Variants in NCAN observed in about 807,000 individuals in gnomAD.
NCAN encodes the protein neurocan core protein.
NCAN carries 47 observed loss-of-function variants against 121.8 expected under a neutral mutation model. The ratio of observed to expected loss-of-function variants is 0.39; its 90% CI spans 0.31 to 0.49. The LOEUF (loss-of-function observed/expected upper bound fraction) is 0.49, where lower values mean the gene tolerates loss of function less well. Ranked by LOEUF, NCAN falls within the 20% of genes least tolerant of loss-of-function variation. The pLI is 0.92. For missense variants in NCAN, 1,517 were observed against 1,773.4 expected (o/e 0.86, Z 2.60); for synonymous variants, 633 against 702.0 (o/e 0.90, Z 1.55).
In NCAN at chr19:19,228,116, A is replaced by G. The variant is rs2060844796; in HGVS notation, c.2496A>G (p.Thr832=). ...EGPTVNPMDS[T]VTPAPSDASG... is the part of the protein sequence containing the mutation. ...CCACTGTGAATCCCATGGATTCCAC[A>G]GTCACGCCGGCCCCCAGTGATGCTA... Residue 832 remains threonine, a synonymous_variant, in exon 8 of 15, where the codon ACA becomes ACG. Transcript: ENST00000252575. The G allele has an allele frequency of 6.2e-7, 1 of 1,613,668 alleles. No individual in the cohort carries two copies. Among genetic ancestry groups the G allele is most frequent in the African/African-American group, 1.3e-5 (1 of 75,046 alleles).
chr19:19,230,883 C>CTGTGTGTGTGTGTGTGTGTGTG (rs367759381), intron 8 of NCAN, among the ~76,000 whole-genome samples: 27 of 121,838 alleles, frequency 2.2e-4, no homozygotes, highest in African/African-American at 5.4e-4. Context: ...CCACACCCGG[C>CTGTGTGTGTGTGTGTGTGTGTG]TGTGTGTGTG....
intron 8 of NCAN, among the ~76,000 whole-genome samples, chr19:19,233,225 C>A (rs1475368940): frequency 6.6e-6 from 1 of 152,114 alleles, no homozygotes; most frequent in Non-Finnish European, 1.5e-5. Flanking sequence ...TGAGCCATGG[C>A]ACCTGGCCTC....
intron 9 of NCAN, 99 bp downstream of exon 9, chr19:19,234,004 A>T: frequency 1.3e-6 from 1 of 767,810 alleles, no homozygotes; most frequent in African/African-American, 1.7e-5. Flanking sequence ...AGAGATCACA[A>T]AAAGCTGGTT....
rs771653162 is a variant in NCAN, at chr19:19,227,703, C to T, written c.2083C>T (p.Pro695Ser). Reference protein sequence around the residue: ...TPTGQGGEAMPTTPESPRADF... With the variant: ...TPTGQGGEAMSTTPESPRADF... Reference sequence around the variant, plus strand: ...AACAGGACAGGGTGGAGAGGCCATGCCCACAACACCTGAGTCCCCCAGGGC... The same window carrying T: ...AACAGGACAGGGTGGAGAGGCCATGTCCACAACACCTGAGTCCCCCAGGGC... Residue 695 changes from proline to serine, a missense_variant, in exon 8 of 15, where the codon CCC (proline) becomes TCC (serine). Pro to Ser is a moderately conservative substitution (Grantham distance 74). Coordinates refer to ENST00000252575, the MANE Select transcript of NCAN (RefSeq NM_004386.3). This position sits in a 1 kb window ranked among gnomAD's most constrained non-coding sequence, Gnocchi z 4.2. The T allele has an allele frequency of 1.7e-5, 28 of 1,613,856 alleles. No individual in the cohort carries two copies. Among genetic ancestry groups the T allele is most frequent in the Non-Finnish European group, 2.3e-5 (27 of 1,180,026 alleles).
intron 12 of NCAN, among the ~76,000 whole-genome samples, chr19:19,243,436 A>AACCGGG (rs1330310376): frequency 6.7e-6 from 1 of 149,966 alleles, no homozygotes; most frequent in East Asian, 2.0e-4. Flanking sequence ...GAATCGCTTG[A>AACCGGG]ACCTGGGAGG....
Position 19,233,807 on chromosome 19 carries a change from A to G in NCAN, c.3038A>G (p.Glu1013Gly), listed in dbSNP as rs746076521. ...GAEEVHSDPC[E>G]NNPCLHGGTC... ...CCTGCAGTGCACTCAGATCCCTGTG[A>G]GAACAACCCTTGTCTTCATGGAGGG... is the stretch of plus-strand genomic sequence containing the variant. The change falls in exon 9 of 15, where the codon GAG becomes GGG. Residue 1013 changes from glutamate to glycine, a missense_variant. Physicochemically the swap from Glu to Gly is moderately conservative, Grantham distance 98. Transcript: ENST00000252575. The G allele has an allele frequency of 1.2e-5, 20 of 1,612,910 alleles. No individual in the cohort carries two copies. The Admixed American group carries it at 3.3e-4, about 27-fold the overall frequency.
At position 19,228,301 on chromosome 19, in the gene NCAN, G is replaced by C. The variant is rs764737391; in HGVS notation, c.2681G>C (p.Ser894Thr). The C allele has an allele frequency of 3.1e-6, 5 of 1,613,986 alleles. No individual in the cohort carries two copies. The highest frequency in any genetic ancestry group is 4.2e-6 in the Non-Finnish European group (5 of 1,180,024). ...VPAMSTLGSSSSQPHPEPEDQ... is the reference protein window; with the variant it reads ...VPAMSTLGSSTSQPHPEPEDQ... Reference sequence around the variant, plus strand: ...GCCATGTCTACACTGGGCTCCTCAAGCTCCCAACCCCACCCAGAGCCAGAG... The same window carrying C: ...GCCATGTCTACACTGGGCTCCTCAACCTCCCAACCCCACCCAGAGCCAGAG... Residue 894 changes from serine (S) to threonine (T), a missense_variant, in exon 8 of 15, where the codon AGC (serine) becomes ACC (threonine). Physicochemically the swap from Ser to Thr is moderately conservative, Grantham distance 58. Coordinates refer to ENST00000252575, the MANE Select transcript of NCAN (RefSeq NM_004386.3).
Position 19,250,451 on chromosome 19 carries a change from T to TGGTGATG in NCAN, c.*540_*541insGGTGATG. 2 of 313,222 alleles carry TGGTGATG rather than the reference T, an allele frequency of 6.4e-6. No homozygotes were observed. 19.4% of individuals were successfully genotyped at this position (313,222 alleles called of 1,614,324 possible). A position where few individuals can be genotyped will look rare whatever the true frequency, so the allele number is the denominator to read the frequency against. On this transcript the variant is annotated 3_prime_UTR_variant, in exon 15 of 15. Coordinates refer to ENST00000252575, the MANE Select transcript of NCAN (RefSeq NM_004386.3). ...ACCCTGGACTTCAGCCCAAGTTCCG[T>TGGTGATG]CTTTGGTCTTGGTGGATAAACACAC... is the stretch of plus-strand genomic sequence containing the variant.
intron 8 of NCAN, chr19:19,232,769 T>C (rs1404857712): frequency 1.3e-5 from 2 of 152,182 alleles, no homozygotes; most frequent in Non-Finnish European, 2.9e-5. Flanking sequence ...AGCGTGAATA[T>C]CTATATGTGG....
intron 2 of NCAN, 64 bp from the exon 3 acceptor site, chr19:19,218,851 A>G: frequency 7.1e-7 from 1 of 1,404,136 alleles, no homozygotes; most frequent in Non-Finnish European, 9.3e-7. Context: ...AAAAGAGGGA[A>G]ATAGCAGTCC....
At chr19:19,217,745 G>C (rs2060800923) in intron 2 of NCAN, among the ~76,000 whole-genome samples, 1 of 152,180 alleles carries the variant, frequency 6.6e-6, no homozygotes, top group African/African-American at 2.4e-5. Context: ...CTAGCACTTT[G>C]GGAGGCTGAG....
intron 11 of NCAN, among the ~76,000 whole-genome samples, chr19:19,239,292 G>A (rs1380326339): frequency 6.6e-6 from 1 of 151,906 alleles, no homozygotes; most frequent in African/African-American, 2.4e-5. Context: ...GGAGGGTGGG[G>A]TGAGGATGCA....
chr19:19,240,916 G>A (rs562820779), intron 12 of NCAN, among the ~76,000 whole-genome samples: 1 of 152,262 alleles, frequency 6.6e-6, no homozygotes, highest in Admixed American at 6.5e-5. Context: ...TTACAAACCT[G>A]AGACTAGGGT....
At chr19:19,219,690 A>AAAAAAAAC (rs2060809273) in intron 3 of NCAN, among the ~76,000 whole-genome samples, 1 of 149,880 alleles carries the variant, frequency 6.7e-6, no homozygotes, top group African/African-American at 2.5e-5. Flanking sequence ...AAAAAAAAAA[A>AAAAAAAAC]AAGGAAAGAA....
intron 9 of NCAN, 60 bp from the exon 10 acceptor site, chr19:19,234,923 T>C: frequency 9.2e-7 from 1 of 1,090,048 alleles, no homozygotes; most frequent in Non-Finnish European, 1.4e-6. Context: ...TAGTTTCCTG[T>C]GGGGGCTCAG....
chr19:19,232,542 G>T (rs2146547593), intron 8 of NCAN, among the ~76,000 whole-genome samples: 1 of 152,358 alleles, frequency 6.6e-6, no homozygotes, highest in Non-Finnish European at 1.5e-5. Context: ...AGGGCCAGCT[G>T]CTACCTTCAT....
intron 14 of NCAN, chr19:19,249,084 T>G: frequency 1.8e-6 from 1 of 562,346 alleles, no homozygotes; most frequent in Non-Finnish European, 3.1e-6. Flanking sequence ...TGTGTGTATG[T>G]GTATGAGAGA....
In NCAN at chr19:19,224,345, C is replaced by T; in HGVS notation, c.690C>T (p.Asp230=). The T allele has an allele frequency of 6.2e-7, 1 of 1,614,082 alleles. No homozygotes were observed. Among genetic ancestry groups the T allele is most frequent in the South Asian group, 1.1e-5 (1 of 91,082 alleles). ...AGTCCCGTCCTGGTTGCTATGGCGACCGTAGCAGCCTTCCAGGGGTTCGGA... is the reference window on the plus strand; with the variant it reads ...AGTCCCGTCCTGGTTGCTATGGCGATCGTAGCAGCCTTCCAGGGGTTCGGA... ...ITQSRPGCYG[D]RSSLPGVRSY... Residue 230 remains aspartate, a synonymous_variant, in exon 5 of 15, where the codon GAC becomes GAT. Coordinates refer to ENST00000252575, the MANE Select transcript of NCAN (RefSeq NM_004386.3).
intron 14 of NCAN, chr19:19,249,153 T>C (rs2060937288): frequency 2.7e-6 from 1 of 366,442 alleles, no homozygotes; most frequent in Non-Finnish European, 5.0e-6. Flanking sequence ...CTCGGCTCAC[T>C]GCAACCTCCC....
Sources: gnomAD v4.1 joint callset for allele counts (sites outside exome capture counted in the v4.1 genomes callset) on GRCh38, gnomAD v4.1.1 for gene constraint, Gnocchi (gnomAD v3.1) non-coding constraint, MANE v1.5 for transcripts, NCBI Gene and HGNC (gene_info 2026-07-23, HGNC 2026-07-21) for gene names.